RCOR1: variants seen among roughly 807,000 people sequenced by gnomAD.
RCOR1 encodes REST corepressor 1.
In RCOR1, 12 loss-of-function variants were observed where a neutral mutation model predicts 64.0. That is an observed-to-expected ratio of 0.19 (90% CI 0.12 to 0.30). The LOEUF is 0.30. RCOR1 is among the 10% of genes least tolerant of loss of function. The probability of loss-of-function intolerance (pLI) is 1.00; values close to 1 mark genes in which losing one functional copy is unlikely to be tolerated. For missense variants in RCOR1, 502 were observed against 621.2 expected (o/e 0.81, Z 2.04); for synonymous variants, 279 against 227.2 (o/e 1.23, Z -2.05).
At position 102,708,555 on chromosome 14, in the gene RCOR1, C is replaced by T. The variant is rs781246079; in HGVS notation, c.751C>T (p.Arg251Trp). 2.5e-6 allele frequency: 4 copies of T among 1,610,648 alleles called. No homozygotes were observed. The highest frequency in any genetic ancestry group is 2.5e-6 in the Non-Finnish European group (3 of 1,177,526). ...AACTAGTGTGATGGATCGCCATGCC[C>T]GGAAACAAAAACGGGAGCGGGAGGA... ...TKTSVMDRHA[R>W]KQKREREESE... The change falls in exon 6 of 12, where the codon CGG (arginine) becomes TGG (tryptophan). Residue 251 changes from arginine to tryptophan, a missense_variant. This residue lies in a region of RCOR1 where 260 missense variants were observed against 416.4 expected (regional missense o/e 0.62). Coordinates refer to ENST00000262241, the MANE Select transcript of RCOR1 (RefSeq NM_015156.4).
intron 2 of RCOR1, among the ~76,000 whole-genome samples, chr14:102,594,117 A>G (rs1298998253): frequency 1.3e-5 from 2 of 152,138 alleles, no homozygotes; most frequent in African/African-American, 2.4e-5. Flanking sequence ...GTGGTACAAG[A>G]AAAAAAATCC....
Position 102,592,936 on chromosome 14 carries a change from G to A in RCOR1, c.50G>A (p.Gly17Glu). The stretch of plus-strand genomic sequence containing the variant: ...CCCGAGGTCTCAGGGAAGCGGAGAG[G>A]GAGGAACAACGCGGCCGCCTCCGCC... ...KGPEVSGKRR[G>E]RNNAAASASA... The change falls in exon 1 of 12, where the codon GGG (glycine) becomes GAG (glutamate). Residue 17 changes from glycine (G) to glutamate (E), a missense_variant. Physicochemically the swap from Gly to Glu is moderately conservative, Grantham distance 98 (BLOSUM62 -2). Transcript: ENST00000262241. 1 of 1,229,936 alleles carries A rather than the reference G, an allele frequency of 8.1e-7. No individual in the cohort carries two copies. Among genetic ancestry groups the A allele is most frequent in the Admixed American group, 3.6e-5 (1 of 28,016 alleles). The allele number at this position is 1,229,936 out of a possible 1,614,324, so 76.2% of individuals were successfully genotyped here.
intron 2 of RCOR1, among the ~76,000 whole-genome samples, chr14:102,615,436 C>T (rs542706270): frequency 1.6e-4 from 25 of 151,520 alleles, no homozygotes; most frequent in African/African-American, 6.1e-4. Flanking sequence ...GCCACCTTGG[C>T]CTGCATAATT....
At chr14:102,679,045 A>G (rs1205997136) in intron 2 of RCOR1, among the ~76,000 whole-genome samples, 1 of 152,150 alleles carries the variant, frequency 6.6e-6, no homozygotes, top group Non-Finnish European at 1.5e-5. Context: ...TGCATATGCG[A>G]TATGCAAATA....
At chr14:102,647,862 A>C (rs973786020) in intron 2 of RCOR1, among the ~76,000 whole-genome samples, 2 of 151,692 alleles carry the variant, frequency 1.3e-5, no homozygotes, top group Non-Finnish European at 2.9e-5. Context: ...TATTTTTAGT[A>C]GAGACGGAGT....
chr14:102,682,059 A>C lies in RCOR1; in HGVS notation c.445+81A>C. The stretch of plus-strand genomic sequence containing the variant: ...GGTACCTTTGAAGGTAAAAGCTTCT[A>C]TATGTATTAAATTTCTTTTCTATTT... On this transcript the variant is annotated intron_variant, in intron 3 of 11. Coordinates refer to ENST00000262241, the MANE Select transcript of RCOR1 (RefSeq NM_015156.4). The C allele has an allele frequency of 3.9e-6, 3 of 760,164 alleles. No individual in the cohort carries two copies. The East Asian group carries it at 8.0e-5, about 20-fold the overall frequency. 47.1% of individuals were successfully genotyped at this position (760,164 alleles called of 1,614,324 possible). A position where few individuals can be genotyped will look rare whatever the true frequency, so the allele number is the denominator to read the frequency against.
At chr14:102,659,276 T>C in intron 2 of RCOR1, 1 of 984,968 alleles carries the variant, frequency 1.0e-6, no homozygotes, top group Non-Finnish European at 1.2e-6. Flanking sequence ...TGGCCTTCAC[T>C]ATCAAAACAA....
At chr14:102,601,308 C>T (rs1052410180) in intron 2 of RCOR1, among the ~76,000 whole-genome samples, 2 of 152,176 alleles carry the variant, frequency 1.3e-5, no homozygotes, top group Admixed American at 6.5e-5. Context: ...CCACCGCACC[C>T]GACCAAACAC....
At chr14:102,676,338 G>A (rs1253961757) in intron 2 of RCOR1, among the ~76,000 whole-genome samples, 1 of 142,636 alleles carries the variant, frequency 7.0e-6, no homozygotes, top group African/African-American at 2.7e-5. Context: ...CCGGGCGGGG[G>A]GCTGACCCCC....
chr14:102,682,029 T>G, intron 3 of RCOR1, 51 bp downstream of exon 3: 1 of 1,273,768 alleles, frequency 7.9e-7, no homozygotes, highest in Non-Finnish European at 1.1e-6. Context: ...ATGTAAGGTT[T>G]TAAAGGTACC....
At chr14:102,607,037 G>A (rs972566159) in intron 2 of RCOR1, among the ~76,000 whole-genome samples, 1 of 150,610 alleles carries the variant, frequency 6.6e-6, no homozygotes, top group Admixed American at 6.7e-5. Flanking sequence ...GGATTCAAGT[G>A]GTTCTCCTGC....
intron 8 of RCOR1, among the ~76,000 whole-genome samples, chr14:102,719,815 A>G (rs1213840563): frequency 6.6e-6 from 1 of 152,228 alleles, no homozygotes; most frequent in African/African-American, 2.4e-5. Context: ...TAGAGTGACA[A>G]GAGTGGTCTG....
chr14:102,674,420 T>G (rs761963262), intron 2 of RCOR1, among the ~76,000 whole-genome samples: 1 of 152,240 alleles, frequency 6.6e-6, no homozygotes, highest in African/African-American at 2.4e-5. Flanking sequence ...ACCAATAGTT[T>G]ATACACATAC....
At chr14:102,598,350 T>C (rs1392353546) in intron 2 of RCOR1, among the ~76,000 whole-genome samples, 1 of 152,240 alleles carries the variant, frequency 6.6e-6, no homozygotes, top group African/African-American at 2.4e-5. Flanking sequence ...TATCTGATAT[T>C]TCCTATGCAG....
intron 2 of RCOR1, among the ~76,000 whole-genome samples, chr14:102,600,022 A>G (rs1893356014): frequency 6.6e-6 from 1 of 152,062 alleles, no homozygotes; most frequent in South Asian, 2.1e-4. Context: ...TTGGCCTCCC[A>G]AAGTGCTGGG....
intron 2 of RCOR1, among the ~76,000 whole-genome samples, chr14:102,598,759 C>T (rs942321693): frequency 6.6e-6 from 1 of 152,004 alleles, no homozygotes; most frequent in African/African-American, 2.4e-5. Context: ...TGATTCAGTT[C>T]TTATAAAATA....
At chr14:102,642,134 C>T (rs962084618) in intron 2 of RCOR1, among the ~76,000 whole-genome samples, 2 of 152,122 alleles carry the variant, frequency 1.3e-5, no homozygotes, top group Non-Finnish European at 2.9e-5. Context: ...ACCTCTTTCC[C>T]TTTACTCCTC....
At chr14:102,634,498 C>G (rs1252804092) in intron 2 of RCOR1, among the ~76,000 whole-genome samples, 1 of 151,914 alleles carries the variant, frequency 6.6e-6, no homozygotes, top group Non-Finnish European at 1.5e-5. Context: ...TATCTGGTTC[C>G]CACTATCTAG....
chr14:102,726,713 T>G lies in RCOR1; in HGVS notation c.*207T>G. On this transcript the variant is annotated 3_prime_UTR_variant, in exon 12 of 12. Coordinates refer to ENST00000262241, the MANE Select transcript of RCOR1 (RefSeq NM_015156.4). The stretch of plus-strand genomic sequence containing the variant: ...GGCGCCACTTCCCAGAGAGCTCCAC[T>G]GCATCTCACACTCTGCCCACGTGCT... 1.8e-6 allele frequency: 1 copy of G among 563,074 alleles called. No homozygotes were observed. 34.9% of individuals were successfully genotyped at this position (563,074 alleles called of 1,614,324 possible).
Sources: allele counts gnomAD v4.1 joint callset (sites outside exome capture counted in the v4.1 genomes callset), GRCh38; gene constraint gnomAD v4.1.1; regional missense constraint gnomAD v4.1.1; transcripts MANE v1.5; gene names NCBI Gene and HGNC (gene_info 2026-07-23, HGNC 2026-07-21).